DENND2B: variants seen among roughly 807,000 people sequenced by gnomAD.
The protein encoded by DENND2B is DENN domain containing 2B.
A neutral mutation model predicts 116.0 loss-of-function variants in DENND2B; 32 were observed. That is an observed-to-expected ratio of 0.28 (90% CI 0.21 to 0.37). The LOEUF (loss-of-function observed/expected upper bound fraction) is 0.37. DENND2B is among the 10% of genes least tolerant of loss of function. DENND2B has a pLI of 1.00. For missense variants in DENND2B, 1,276 were observed against 1,477.7 expected, an observed-to-expected ratio of 0.86 and a Z score of 2.24; for synonymous variants, 588 against 583.9, an observed-to-expected ratio of 1.01 and a Z score of -0.10.
intron 2 of DENND2B, among the ~76,000 whole-genome samples, chr11:8,742,522 T>C (rs930909822): frequency 6.6e-6 from 1 of 152,166 alleles, no homozygotes; most frequent in Non-Finnish European, 1.5e-5. Context: ...TTGTCAGCTG[T>C]GGTAACATAG....
In DENND2B at chr11:8,707,733, TG is replaced by T; in HGVS notation, c.2430+43del. The T allele has an allele frequency of 6.4e-7, 1 of 1,565,050 alleles. No homozygotes were observed. Among genetic ancestry groups the T allele is most frequent in the Non-Finnish European group, 8.7e-7 (1 of 1,151,332 alleles). ...TGGCTGCAGATACTCCTGTGGGAGC[TG>T]TCAGCTGGGGGACGGGGAGGGAAGC... On this transcript the variant is annotated intron_variant, in intron 12 of 19. Transcript: ENST00000313726. This position sits in a 1 kb window ranked among gnomAD's most constrained non-coding sequence, Gnocchi z 4.8.
chr11:8,851,821 A>G (rs1428385332), intron 3 of DENND2B, among the ~76,000 whole-genome samples: 1 of 152,178 alleles, frequency 6.6e-6, no homozygotes, highest in Non-Finnish European at 1.5e-5. Context: ...ATTCATATAT[A>G]TTTTGGTATA....
upstream of DENND2B, among the ~76,000 whole-genome samples, chr11:8,815,099 C>G (rs2061522590): frequency 1.3e-5 from 2 of 152,002 alleles, no homozygotes; most frequent in African/African-American, 4.8e-5. Context: ...CGGGTCATTG[C>G]CAGACCACTG....
intron 1 of DENND2B, among the ~76,000 whole-genome samples, chr11:8,793,922 C>T (rs987555889): frequency 5.9e-5 from 9 of 151,976 alleles, no homozygotes; most frequent in Admixed American, 3.3e-4. Flanking sequence ...ACTAAATGTA[C>T]ATAAAAATGC....
intron 2 of DENND2B, among the ~76,000 whole-genome samples, chr11:8,869,756 A>C (rs1005677477): frequency 1.3e-5 from 2 of 152,214 alleles, no homozygotes; most frequent in Non-Finnish European, 2.9e-5. Context: ...TCTCTGCCAG[A>C]CCAGCAGAAT....
chr11:8,771,344 A>G (rs2056805854), intron 1 of DENND2B, among the ~76,000 whole-genome samples: 1 of 152,102 alleles, frequency 6.6e-6, no homozygotes, highest in Non-Finnish European at 1.5e-5. Flanking sequence ...AGAATCATAT[A>G]GAGTATGGGG....
At chr11:8,882,724 A>G (rs2063916029) in intron 1 of DENND2B, among the ~76,000 whole-genome samples, 1 of 152,210 alleles carries the variant, frequency 6.6e-6, no homozygotes, top group Non-Finnish European at 1.5e-5. Flanking sequence ...ACTGTGGTTC[A>G]TGCCTGTGAT....
intron 1 of DENND2B, among the ~76,000 whole-genome samples, chr11:8,891,079 C>T (rs2064026466): frequency 6.6e-6 from 1 of 152,086 alleles, no homozygotes; most frequent in Non-Finnish European, 1.5e-5. Context: ...AGAGTGGGGG[C>T]CAATATTCAA....
intron 1 of DENND2B, among the ~76,000 whole-genome samples, chr11:8,765,419 A>G (rs540846014): frequency 3.3e-5 from 5 of 152,378 alleles, no homozygotes; most frequent in African/African-American, 1.2e-4. Context: ...GCAACACTCA[A>G]CATTTGTTGA....
chr11:8,764,942 C>CAAAAAA (rs35421038), intron 1 of DENND2B, among the ~76,000 whole-genome samples: 1 of 100,290 alleles, frequency 1.0e-5, no homozygotes, highest in Non-Finnish European at 1.9e-5. Context: ...GAGACTGTCT[C>CAAAAAA]AAAAAAAAAA....
rs1356676667 is a variant in DENND2B, at chr11:8,695,987, T to A, written c.3293-438A>T. The A allele has an allele frequency of 7.7e-5, 19 of 245,438 alleles. No homozygotes were observed. The Admixed American group carries it at 9.6e-4, about 12-fold the overall frequency. The allele number at this position is 245,438 out of a possible 1,614,324, so 15.2% of individuals were successfully genotyped here. On this transcript the variant is annotated intron_variant, in intron 18 of 19. Transcript: ENST00000313726. ...AAAGCCCTCGAATGAGCTGATGAAATAGCAAAAAACAAGATAACCATCTGC... is the reference window on the plus strand; with the variant it reads ...AAAGCCCTCGAATGAGCTGATGAAAAAGCAAAAAACAAGATAACCATCTGC...
chr11:8,808,645 G>A (rs190172079), intron 1 of DENND2B: 1 of 152,326 alleles, frequency 6.6e-6, no homozygotes, highest in East Asian at 1.9e-4. Context: ...TGACTTTCCA[G>A]AGAGAGTTGG....
intron 4 of DENND2B, among the ~76,000 whole-genome samples, chr11:8,826,994 T>C (rs1427045399): frequency 6.6e-6 from 1 of 152,006 alleles, no homozygotes; most frequent in African/African-American, 2.4e-5. Context: ...AGAAAGCAAT[T>C]TAAGATCTTG....
intron 1 of DENND2B, among the ~76,000 whole-genome samples, chr11:8,786,233 C>A (rs2058886722): frequency 6.6e-6 from 1 of 152,140 alleles, no homozygotes; most frequent in African/African-American, 2.4e-5. Flanking sequence ...ATTTTGTCTG[C>A]AGTCTCTGTG....
Position 8,730,040 on chromosome 11 carries a change from G to A in DENND2B, c.1250C>T (p.Ala417Val), listed in dbSNP as rs1162967297. ...GGTGGAGGGCAAGGGAGGTGGAGCA[G>A]CAGGTGTGGGTGAAGGAGGTAGACC... is the stretch of plus-strand genomic sequence containing the variant. ...SNGLPPSPTP[A>V]APPPLPSTPA... is the part of the protein sequence containing the mutation. The change falls in exon 3 of 20, where the codon GCT becomes GTT. Residue 417 changes from alanine to valine, a missense_variant. Physicochemically the swap from Ala to Val is moderately conservative, Grantham distance 64 (BLOSUM62 0). Around this residue, in one of 2 missense-constraint regions of DENND2B, gnomAD observed 856 missense variants for 846.6 expected, o/e 1.01. Coordinates refer to ENST00000313726, the MANE Select transcript of DENND2B (RefSeq NM_213618.2). The surrounding 1 kb of genome is among the most constrained non-coding windows in gnomAD (Gnocchi z 4.1). The A allele has an allele frequency of 2.5e-6, 4 of 1,614,116 alleles. No individual in the cohort carries two copies. Among genetic ancestry groups the A allele is most frequent in the Middle Eastern group, 1.6e-4 (1 of 6,084 alleles).
intron 16 of DENND2B, 111 bp downstream of exon 16, chr11:8,698,818 GAGTA>G: frequency 8.0e-7 from 1 of 1,255,694 alleles, no homozygotes; most frequent in Non-Finnish European, 1.2e-6. Flanking sequence ...ACTAGTCTGT[GAGTA>G]GTACTGAACC....
At chr11:8,793,756 T>G (rs1287400412) in intron 1 of DENND2B, among the ~76,000 whole-genome samples, 1 of 152,150 alleles carries the variant, frequency 6.6e-6, no homozygotes, top group Non-Finnish European at 1.5e-5. Context: ...CATATGGCAA[T>G]TTGGGGCTTT....
At chr11:8,754,029 G>GCGCGCGCACACACACACACACACACA (rs146486674) in intron 1 of DENND2B, among the ~76,000 whole-genome samples, 8 of 138,734 alleles carry the variant, frequency 5.8e-5, no homozygotes, top group African/African-American at 1.6e-4. Context: ...CCAAAAGCGC[G>GCGCGCGCACACACACACACACACACA]CACACACACA....
intron 1 of DENND2B, among the ~76,000 whole-genome samples, chr11:8,764,783 A>G (rs979781610): frequency 1.1e-4 from 16 of 152,056 alleles, no homozygotes; most frequent in African/African-American, 3.9e-4. Flanking sequence ...TGTCTCTACT[A>G]AAAATACAAA....
Sources: gnomAD v4.1 joint callset for allele counts (sites outside exome capture counted in the v4.1 genomes callset) on GRCh38, gnomAD v4.1.1 for gene constraint, gnomAD v4.1.1 regional missense constraint, Gnocchi (gnomAD v3.1) non-coding constraint, MANE v1.5 for transcripts, NCBI Gene and HGNC (gene_info 2026-07-23, HGNC 2026-07-21) for gene names.